Variants in FSTL5 observed in about 807,000 individuals in gnomAD.
The protein encoded by FSTL5 is follistatin-related protein 5.
A neutral mutation model predicts 89.1 loss-of-function variants in FSTL5; 62 were observed. That is an observed-to-expected ratio of 0.70 (90% CI 0.57 to 0.86). The LOEUF is 0.86. FSTL5 is among the 40% of genes least tolerant of loss of function. The pLI, the probability that FSTL5 is intolerant of heterozygous loss-of-function variation, is 0.00. For missense variants in FSTL5, 1,057 were observed against 1,001.6 expected, an observed-to-expected ratio of 1.06 and a Z score of -0.75; for synonymous variants, 383 against 346.2, an observed-to-expected ratio of 1.11 and a Z score of -1.18.
chr4:161,932,978 C>T (rs143847868), intron 3 of FSTL5, among the ~76,000 whole-genome samples: 87 of 152,198 alleles, frequency 5.7e-4, no homozygotes, highest in African/African-American at 2.0e-3. Context: ...CTAAACAATA[C>T]AATACATCAA....
At chr4:161,997,230 C>T (rs1736321405) in intron 3 of FSTL5, among the ~76,000 whole-genome samples, 2 of 152,152 alleles carry the variant, frequency 1.3e-5, no homozygotes, top group Admixed American at 1.3e-4. Flanking sequence ...AGAACTTAAA[C>T]ACAATTAAAT....
intron 12 of FSTL5, among the ~76,000 whole-genome samples, chr4:161,486,372 A>G (rs1729678367): frequency 6.6e-6 from 1 of 152,128 alleles, no homozygotes; most frequent in South Asian, 2.1e-4. Context: ...CTGCTAGACA[A>G]GTACTGAAAG....
At chr4:161,552,567 T>A (rs1047713713) in intron 8 of FSTL5, 1 of 151,764 alleles carries the variant, frequency 6.6e-6, no homozygotes, top group Non-Finnish European at 1.5e-5. Flanking sequence ...TACTTCTACT[T>A]TATTGATGTA....
At chr4:161,456,600 C>A (rs1253643060) in intron 14 of FSTL5, among the ~76,000 whole-genome samples, 1 of 152,066 alleles carries the variant, frequency 6.6e-6, no homozygotes, top group East Asian at 1.9e-4. Context: ...AGGGCTTGCC[C>A]ATATTTTTGG....
At chr4:161,813,109 C>T (rs1183923676) in intron 4 of FSTL5, among the ~76,000 whole-genome samples, 1 of 151,788 alleles carries the variant, frequency 6.6e-6, no homozygotes, top group African/African-American at 2.4e-5. Context: ...TAACTGCAAC[C>T]TCTGTCTCCT....
intron 10 of FSTL5, among the ~76,000 whole-genome samples, chr4:161,529,429 A>G (rs1459018639): frequency 7.0e-6 from 1 of 142,650 alleles, no homozygotes; most frequent in Non-Finnish European, 1.5e-5. Context: ...ATTATAAATA[A>G]TGAAAGTTTA....
chr4:161,674,882 T>C (rs1737248204), intron 6 of FSTL5, among the ~76,000 whole-genome samples: 2 of 152,134 alleles, frequency 1.3e-5, no homozygotes, highest in East Asian at 1.9e-4. Context: ...TCCTGGGCTT[T>C]CCTGTGCAGT....
intron 4 of FSTL5, among the ~76,000 whole-genome samples, chr4:161,834,839 G>C (rs763016107): frequency 5.9e-4 from 90 of 151,954 alleles, no homozygotes; most frequent in Middle Eastern, 3.2e-3. Flanking sequence ...ATGCTCATAG[G>C]GTAGGAAGAA....
At chr4:161,481,299 A>G in intron 12 of FSTL5, 130 bp from the exon 13 acceptor site, 2 of 484,774 alleles carry the variant, frequency 4.1e-6, no homozygotes, top group Non-Finnish European at 6.9e-6. Flanking sequence ...ATATATATAA[A>G]GTTTAATTAA....
intron 4 of FSTL5, among the ~76,000 whole-genome samples, chr4:161,881,931 T>C (rs1732647836): frequency 6.6e-6 from 1 of 152,122 alleles, no homozygotes; most frequent in Non-Finnish European, 1.5e-5. Flanking sequence ...CTCAAAGATA[T>C]TTATTAACCA....
intron 4 of FSTL5, among the ~76,000 whole-genome samples, chr4:161,896,468 T>TAC (rs1733160973): frequency 6.6e-6 from 1 of 152,108 alleles, no homozygotes; most frequent in East Asian, 1.9e-4. Context: ...CCCTTCCACA[T>TAC]ACACACACAC....
intron 6 of FSTL5, among the ~76,000 whole-genome samples, chr4:161,669,010 G>T (rs2126695589): frequency 6.6e-6 from 1 of 150,782 alleles, no homozygotes; most frequent in Non-Finnish European, 1.5e-5. Context: ...TGCTCAGGAG[G>T]CCGAGGCAGA....
At chr4:161,694,632 C>T (rs1287069260) in intron 6 of FSTL5, among the ~76,000 whole-genome samples, 1 of 151,974 alleles carries the variant, frequency 6.6e-6, no homozygotes, top group Admixed American at 6.5e-5. Context: ...CCTAGGCTTT[C>T]TCAAAAATGA....
chr4:161,549,866 T>A (rs1299582101), intron 8 of FSTL5, among the ~76,000 whole-genome samples: 6 of 152,022 alleles, frequency 3.9e-5, no homozygotes, highest in African/African-American at 1.4e-4. Flanking sequence ...TTCACCACTC[T>A]TATTTTTTAG....
At chr4:161,641,509 G>T (rs4498097) in intron 7 of FSTL5, among the ~76,000 whole-genome samples, 136,455 of 146,664 alleles carry the variant, frequency 0.93, 64,157 homozygotes, top group South Asian at 0.99. Flanking sequence ...GTTTTGTTTT[G>T]TTTTTTTTTT....
At chr4:162,121,909 A>C (rs900826641) in intron 1 of FSTL5, among the ~76,000 whole-genome samples, 173 of 152,186 alleles carry the variant, frequency 1.1e-3, no homozygotes, top group African/African-American at 4.0e-3. Context: ...CACTTAATGA[A>C]TAGTAAATAT....
chr4:161,581,509 G>C (rs1365896787), intron 8 of FSTL5, among the ~76,000 whole-genome samples: 2 of 152,184 alleles, frequency 1.3e-5, no homozygotes, highest in African/African-American at 2.4e-5. Flanking sequence ...TGTTCCCTAT[G>C]ACCAAATGAG....
chr4:161,882,371 C>T (rs1049838759), intron 4 of FSTL5, among the ~76,000 whole-genome samples: 3 of 152,040 alleles, frequency 2.0e-5, no homozygotes, highest in Non-Finnish European at 2.9e-5. Context: ...TCAACTAATT[C>T]CCGACACAGC....
intron 15 of FSTL5, among the ~76,000 whole-genome samples, chr4:161,415,172 A>G (rs1731727268): frequency 6.6e-6 from 1 of 152,214 alleles, no homozygotes; most frequent in Non-Finnish European, 1.5e-5. Context: ...TGAGAAAATA[A>G]GATACATAAA....
Sources: allele counts gnomAD v4.1 joint callset (sites outside exome capture counted in the v4.1 genomes callset), GRCh38; gene constraint gnomAD v4.1.1; transcripts MANE v1.5; gene names NCBI Gene and HGNC (gene_info 2026-07-23, HGNC 2026-07-21).